The following ZBTB8A variants were observed in gnomAD, a reference collection of about 807,000 sequenced individuals.
ZBTB8A encodes the protein zinc finger and BTB domain-containing protein 8A.
ZBTB8A carries 19 observed loss-of-function variants against 37.8 expected under a neutral mutation model. The observed-to-expected ratio is 0.50, with a 90% CI of 0.35 to 0.74. ZBTB8A has a LOEUF of 0.74. ZBTB8A is among the 30% of genes least tolerant of loss of function. ZBTB8A has a pLI of 0.01. For missense variants in ZBTB8A, 394 were observed against 537.8 expected (o/e 0.73, Z 2.65); for synonymous variants, 181 against 185.2 (o/e 0.98, Z 0.19).
At chr1:32,549,137 G>A (rs1343553725) in intron 1 of ZBTB8A, among the ~76,000 whole-genome samples, 1 of 151,856 alleles carries the variant, frequency 6.6e-6, no homozygotes, top group East Asian at 1.9e-4. Context: ...GCCATGAGCC[G>A]AGATCACGTC....
chr1:32,582,313 A>G (rs12118659), intron 2 of ZBTB8A, among the ~76,000 whole-genome samples: 18,945 of 152,092 alleles, frequency 0.12, 1,391 homozygotes, highest in African/African-American at 0.22. Context: ...AAAAAAATAT[A>G]AAATTCAAAA....
In ZBTB8A at chr1:32,548,536, G is replaced by T. The variant is rs1404857810; in HGVS notation, c.-83-4923G>T. Among the ~76,000 whole-genome samples, 3 of 152,082 alleles carry T rather than the reference G, an allele frequency of 2.0e-5. No individual in the cohort carries two copies. The South Asian group carries it at 6.2e-4, about 32-fold the overall frequency. On this transcript the variant is annotated intron_variant, in intron 1 of 4. Transcript: ENST00000373510. ...TTTAGTAGAGATGGGGTTTTGCCAT[G>T]TTGGCCAGGCTGGTCTTGAACTCCT...
intron 2 of ZBTB8A, among the ~76,000 whole-genome samples, chr1:32,560,615 CTT>C (rs1170510859): frequency 7.7e-5 from 7 of 90,804 alleles, no homozygotes; most frequent in African/African-American, 3.2e-4. Flanking sequence ...TCTTTTCTTT[CTT>C]TTTTTTTTTT....
At chr1:32,562,638 G>A (rs1644252669) in intron 2 of ZBTB8A, among the ~76,000 whole-genome samples, 2 of 148,198 alleles carry the variant, frequency 1.3e-5, no homozygotes, top group African/African-American at 2.5e-5. Context: ...GTGCAGTGGC[G>A]TGATCTCAGC....
Position 32,601,739 on chromosome 1 carries a change from C to T in ZBTB8A, c.*1320C>T, listed in dbSNP as rs983999814. The T allele has an allele frequency of 5.0e-6, 2 of 398,246 alleles. No homozygotes were observed. The highest frequency in any genetic ancestry group is 4.1e-5 in the African/African-American group (2 of 48,596). The allele number at this position is 398,246 out of a possible 1,614,324, so 24.7% of individuals were successfully genotyped here. Reference sequence around the variant, plus strand: ...GAAATGGCAAAGAATAGAAGTCAAACCTCACCAGTTGGCAGTCATTATAAA... The same window carrying T: ...GAAATGGCAAAGAATAGAAGTCAAATCTCACCAGTTGGCAGTCATTATAAA... On this transcript the variant is annotated 3_prime_UTR_variant, in exon 5 of 5. Coordinates refer to ENST00000373510, the MANE Select transcript of ZBTB8A (RefSeq NM_001040441.3).
At chr1:32,548,137 T>TA (rs770998213) in intron 1 of ZBTB8A, among the ~76,000 whole-genome samples, 1,800 of 65,530 alleles carry the variant, frequency 0.027, 38 homozygotes, top group African/African-American at 0.07. Flanking sequence ...CGTCTCAAAT[T>TA]AAAAAAAAAA....
At chr1:32,572,160 C>G (rs1354795550) in intron 2 of ZBTB8A, among the ~76,000 whole-genome samples, 17 of 152,002 alleles carry the variant, frequency 1.1e-4, no homozygotes, top group Non-Finnish European at 1.6e-4. Flanking sequence ...CAGAGTAATA[C>G]TGGCCTCATA....
chr1:32,559,919 C>A (rs1049874983), intron 2 of ZBTB8A, among the ~76,000 whole-genome samples: 4 of 152,128 alleles, frequency 2.6e-5, no homozygotes, highest in African/African-American at 9.7e-5. Context: ...TCCGTTCTTG[C>A]ATTGCTATAA....
At chr1:32,599,045 C>T (rs888778283) in intron 4 of ZBTB8A, among the ~76,000 whole-genome samples, 2 of 152,078 alleles carry the variant, frequency 1.3e-5, no homozygotes, top group African/African-American at 2.4e-5. Context: ...CTTCCAATCC[C>T]TGTGGTCCTC....
chr1:32,557,845 A>T (rs1212459008), intron 2 of ZBTB8A, among the ~76,000 whole-genome samples: 1 of 152,156 alleles, frequency 6.6e-6, no homozygotes. Flanking sequence ...CTTTATCTCC[A>T]GCCTAGATTT....
intron 2 of ZBTB8A, among the ~76,000 whole-genome samples, chr1:32,553,777 T>C (rs952994982): frequency 4.6e-5 from 7 of 151,454 alleles, no homozygotes; most frequent in Non-Finnish European, 1.0e-4. Flanking sequence ...TCCCAGCTAC[T>C]TGGGAGGCTG....
chr1:32,582,563 G>T (rs1193335636), intron 2 of ZBTB8A, among the ~76,000 whole-genome samples: 2 of 151,872 alleles, frequency 1.3e-5, no homozygotes, highest in South Asian at 2.1e-4. Context: ...CAGGAGAATC[G>T]CTTGAACCCG....
At chr1:32,574,997 A>ACTG (rs2148235433) in intron 2 of ZBTB8A, among the ~76,000 whole-genome samples, 1 of 152,044 alleles carries the variant, frequency 6.6e-6, no homozygotes, top group East Asian at 1.9e-4. Context: ...CTGGTCTTGA[A>ACTG]CTGCTGCCCC....
At position 32,595,363 on chromosome 1, in the gene ZBTB8A, G is replaced by A. The variant is rs574592398; in HGVS notation, c.993+140G>A. 318 of 797,780 alleles carry A rather than the reference G, an allele frequency of 4.0e-4. 1 individual carries two copies. The African/African-American group carries it at 5.1e-3, about 13-fold the overall frequency. 49.4% of individuals were successfully genotyped at this position (797,780 alleles called of 1,614,324 possible). ...GCTCGCTGCAACCTCTGCCTCCCGGGTTCAAGCAATTCTCCTGCCTCAGCC... is the reference window on the plus strand; with the variant it reads ...GCTCGCTGCAACCTCTGCCTCCCGGATTCAAGCAATTCTCCTGCCTCAGCC... On this transcript the variant is annotated intron_variant, in intron 4 of 4. Coordinates refer to ENST00000373510, the MANE Select transcript of ZBTB8A (RefSeq NM_001040441.3).
chr1:32,579,938 A>T (rs1007527656), intron 2 of ZBTB8A, among the ~76,000 whole-genome samples: 1 of 152,182 alleles, frequency 6.6e-6, no homozygotes, highest in African/African-American at 2.4e-5. Context: ...ATAATAACTT[A>T]TTATTTCTAA....
chr1:32,573,578 G>GT (rs1644338908), intron 2 of ZBTB8A, among the ~76,000 whole-genome samples: 1 of 150,310 alleles, frequency 6.7e-6, no homozygotes, highest in African/African-American at 2.4e-5. Flanking sequence ...GACTACAGGC[G>GT]TAAGCCACCA....
intron 2 of ZBTB8A, among the ~76,000 whole-genome samples, chr1:32,577,634 C>A: frequency 7.0e-6 from 1 of 143,782 alleles, no homozygotes; most frequent in African/African-American, 2.6e-5. Context: ...CTCTGTCACC[C>A]AGGCTGGCAC....
At chr1:32,562,420 C>T (rs1270157276) in intron 2 of ZBTB8A, among the ~76,000 whole-genome samples, 4 of 151,506 alleles carry the variant, frequency 2.6e-5, no homozygotes, top group South Asian at 2.1e-4. Flanking sequence ...TACAAGGATG[C>T]GCCACCACGC....
At chr1:32,570,524 T>G (rs1644315965) in intron 2 of ZBTB8A, among the ~76,000 whole-genome samples, 1 of 152,214 alleles carries the variant, frequency 6.6e-6, no homozygotes. Context: ...TATTAACTGT[T>G]TCTTCTAATT....
Sources: allele counts gnomAD v4.1 joint callset (sites outside exome capture counted in the v4.1 genomes callset), GRCh38; gene constraint gnomAD v4.1.1; transcripts MANE v1.5; gene names NCBI Gene and HGNC (gene_info 2026-07-23, HGNC 2026-07-21).